Variants in DIPK1C observed in about 807,000 individuals in gnomAD.
DIPK1C encodes the protein familial non-conventional Alzheimer's dementia.
Under a neutral mutation model 28.0 loss-of-function variants are expected in DIPK1C, and 33 were observed. The observed-to-expected ratio is 1.18, with a 90% CI of 0.89 to 1.58. The LOEUF (loss-of-function observed/expected upper bound fraction) is 1.58, where lower values mean the gene tolerates loss of function less well. DIPK1C is among the 40% of genes most tolerant of loss of function. The pLI is 0.00. For missense variants in DIPK1C, 569 were observed against 568.5 expected, an observed-to-expected ratio of 1.00 and a Z score of -0.01; for synonymous variants, 255 against 248.8, an observed-to-expected ratio of 1.02 and a Z score of -0.23.
At chr18:74,458,940 CAAAA>C (rs61690822), upstream of DIPK1C, among the ~76,000 whole-genome samples, 1 of 123,344 alleles carries the variant, frequency 8.1e-6, no homozygotes, top group African/African-American at 2.9e-5. Context: ...CCAACCTGGG[CAAAA>C]AAAAAAAAAA....
intron 1 of DIPK1C, among the ~76,000 whole-genome samples, chr18:74,455,729 A>G (rs1445278263): frequency 6.7e-6 from 1 of 149,748 alleles, no homozygotes; most frequent in Non-Finnish European, 1.5e-5. Flanking sequence ...ACTCCATAAA[A>G]AAAAAAGAAA....
intron 1 of DIPK1C, among the ~76,000 whole-genome samples, chr18:74,451,067 C>T (rs146850023): frequency 2.6e-5 from 4 of 152,262 alleles, no homozygotes; most frequent in Non-Finnish European, 4.4e-5. Flanking sequence ...GGTGGGGGGC[C>T]GGGGCATCTT....
At chr18:74,460,237 C>T (rs534568907), upstream of DIPK1C, among the ~76,000 whole-genome samples, 13 of 152,310 alleles carry the variant, frequency 8.5e-5, no homozygotes, top group Admixed American at 3.9e-4. Context: ...TAAGCAAGTT[C>T]GGGTTGGGTT....
chr18:74,446,549 C>T (rs1986264315), intron 2 of DIPK1C, 57 bp downstream of exon 2: 3 of 1,371,620 alleles, frequency 2.2e-6, no homozygotes, highest in Admixed American at 3.5e-5. Flanking sequence ...ATTTCCTTCC[C>T]TCCAGACCCG....
rs1409253629 is a variant in DIPK1C at position 74,436,624 on chromosome 18, C to T, written c.1137G>A (p.Val379=). Residue 379 remains valine (V), a synonymous_variant, in exon 4 of 4, where the codon GTG becomes GTA. Coordinates refer to ENST00000343998, the MANE Select transcript of DIPK1C (RefSeq NM_001044369.3). ...FQLQLQLQEA[V]QECADPGVPS... ...GGACCCCAGGGTCTGCACATTCCTG[C>T]ACCGCCTCCTGTAACTGCAGCTGAA... The T allele has an allele frequency of 1.2e-6, 2 of 1,613,746 alleles. No individual in the cohort carries two copies. Among genetic ancestry groups the T allele is most frequent in the Non-Finnish European group, 1.7e-6 (2 of 1,180,016 alleles).
chr18:74,461,392 C>T, upstream of DIPK1C, among the ~76,000 whole-genome samples: 1 of 138,322 alleles, frequency 7.2e-6, no homozygotes. Flanking sequence ...TCCTTCCTTT[C>T]TTTCTTTCTC....
In DIPK1C at chr18:74,446,780, T is replaced by C; in HGVS notation, c.702A>G (p.Ala234=). ...FLAAGSPHHR[A]LFPLDRAPGA... Reference sequence around the variant, plus strand: ...CTGGGGCCCGGTCCAGGGGGAAGAGTGCCCTGTGGTGGGGGCTGCCCGCGG... The same window carrying C: ...CTGGGGCCCGGTCCAGGGGGAAGAGCGCCCTGTGGTGGGGGCTGCCCGCGG... Residue 234 remains alanine (A), a synonymous_variant, in exon 2 of 4, where the codon GCA becomes GCG. Coordinates refer to ENST00000343998, the MANE Select transcript of DIPK1C (RefSeq NM_001044369.3). The C allele has an allele frequency of 6.7e-7, 1 of 1,501,860 alleles. No individual in the cohort carries two copies. The highest frequency in any genetic ancestry group is 1.3e-5 in the South Asian group (1 of 77,246). 93.0% of individuals were successfully genotyped at this position (1,501,860 alleles called of 1,614,324 possible).
intron 1 of DIPK1C, among the ~76,000 whole-genome samples, chr18:74,452,877 A>T (rs1315024823): frequency 6.6e-6 from 1 of 152,168 alleles, no homozygotes; most frequent in East Asian, 1.9e-4. Flanking sequence ...TTCTGTGCGT[A>T]GGAGGAGTTC....
chr18:74,456,993 G>T (rs1018147707), intron 1 of DIPK1C, 69 bp downstream of exon 1: 15 of 1,332,800 alleles, frequency 1.1e-5, no homozygotes, highest in South Asian at 3.4e-5. Flanking sequence ...GGAAGGCTGG[G>T]GACCGGGAGC....
chr18:74,441,717 C>T (rs1001010758), intron 3 of DIPK1C, among the ~76,000 whole-genome samples: 2 of 152,180 alleles, frequency 1.3e-5, no homozygotes, highest in Non-Finnish European at 2.9e-5. Context: ...GCAGCCAGCT[C>T]TGCAGGGAAC....
rs548395301 is a variant in DIPK1C, at chr18:74,449,928, A to C, written c.199-2645T>G. 2.6e-5 allele frequency among the ~76,000 whole-genome samples: 4 copies of C among 152,308 alleles called. No individual in the cohort carries two copies. The East Asian group carries it at 7.7e-4, about 29-fold the overall frequency. ...CCAGGCACGGGGTCATGAAAGGTGC[A>C]TGGGAGGATCCGGACCCTTTGCGCC... On this transcript the variant is annotated intron_variant, in intron 1 of 3. Coordinates refer to ENST00000343998, the MANE Select transcript of DIPK1C (RefSeq NM_001044369.3).
chr18:74,437,020 G>T (rs957220636), intron 3 of DIPK1C, among the ~76,000 whole-genome samples: 3 of 152,068 alleles, frequency 2.0e-5, no homozygotes, highest in Non-Finnish European at 4.4e-5. Flanking sequence ...ACTGTAAAAG[G>T]ACTGGACACA....
chr18:74,446,842 C>T lies in DIPK1C; in HGVS notation c.640G>A (p.Gly214Ser). The T allele has an allele frequency of 6.6e-7, 1 of 1,504,382 alleles. No individual in the cohort carries two copies. The highest frequency in any genetic ancestry group is 8.9e-7 in the Non-Finnish European group (1 of 1,121,576). The allele number at this position is 1,504,382 out of a possible 1,614,324, so 93.2% of individuals were successfully genotyped here. Residue 214 changes from glycine (G) to serine (S), a missense_variant, in exon 2 of 4, where the codon GGT (glycine) becomes AGT (serine). Transcript: ENST00000343998. The stretch of plus-strand genomic sequence containing the variant: ...ACCGCGTAGAAGTGGCCGCAGGAAC[C>T]CAGCACGGGCAGCACGTGTGGGCTC... ...DLSPHVLPVL[G>S]SCGHFYAVEF...
upstream of DIPK1C, among the ~76,000 whole-genome samples, chr18:74,458,940 CAAA>C (rs61690822): frequency 1.6e-5 from 2 of 123,332 alleles, no homozygotes; most frequent in Non-Finnish European, 1.8e-5. Flanking sequence ...CCAACCTGGG[CAAA>C]AAAAAAAAAA....
intron 2 of DIPK1C, among the ~76,000 whole-genome samples, chr18:74,442,796 C>G (rs1568262538): frequency 6.6e-6 from 1 of 152,180 alleles, no homozygotes; most frequent in South Asian, 2.1e-4. Context: ...CTCTGAGAGG[C>G]GTTATACATG....
Position 74,436,225 on chromosome 18 carries a change from C to T in DIPK1C, c.*276G>A. On this transcript the variant is annotated 3_prime_UTR_variant, in exon 4 of 4. Coordinates refer to ENST00000343998, the MANE Select transcript of DIPK1C (RefSeq NM_001044369.3). ...AAGTGCTCTCTGCAGAGAATAAGTG[C>T]ACACAGGTTGGTGTCTTCTGACCGA... The T allele has an allele frequency of 2.1e-6, 1 of 478,084 alleles. No individual in the cohort carries two copies. Among genetic ancestry groups the T allele is most frequent in the Non-Finnish European group, 3.7e-6 (1 of 269,224 alleles). The allele number at this position is 478,084 out of a possible 1,614,324, so 29.6% of individuals were successfully genotyped here.
intron 1 of DIPK1C, among the ~76,000 whole-genome samples, chr18:74,452,220 G>A (rs1184622001): frequency 6.6e-6 from 1 of 152,162 alleles, no homozygotes; most frequent in African/African-American, 2.4e-5. Context: ...TACAAGTGTG[G>A]TTATGGCACA....
At chr18:74,450,086 C>T (rs761037534) in intron 1 of DIPK1C, among the ~76,000 whole-genome samples, 2 of 152,040 alleles carry the variant, frequency 1.3e-5, no homozygotes, top group South Asian at 2.1e-4. Flanking sequence ...CTGAGGCCAC[C>T]GTGAGCAAGA....
At chr18:74,446,050 G>C (rs1052791681) in intron 2 of DIPK1C, among the ~76,000 whole-genome samples, 8 of 152,220 alleles carry the variant, frequency 5.3e-5, no homozygotes, top group Non-Finnish European at 8.8e-5. Context: ...ACCTGGCAGG[G>C]CTTTCCCTTG....
Sources: gnomAD v4.1 joint callset for allele counts (sites outside exome capture counted in the v4.1 genomes callset) on GRCh38, gnomAD v4.1.1 for gene constraint, MANE v1.5 for transcripts, NCBI Gene and HGNC (gene_info 2026-07-23, HGNC 2026-07-21) for gene names.